ABTB2: variants seen among roughly 807,000 people sequenced by gnomAD.
ABTB2 encodes ankyrin repeat and BTB/POZ domain-containing protein 2.
ABTB2 carries 56 observed loss-of-function variants against 104.1 expected under a neutral mutation model. The observed-to-expected ratio is 0.54, with a 90% CI of 0.43 to 0.67. The LOEUF is 0.67. ABTB2 is among the 30% of genes least tolerant of loss of function. The probability of loss-of-function intolerance (pLI) is 0.00; values close to 1 mark genes in which losing one functional copy is unlikely to be tolerated. For missense variants in ABTB2, 1,279 were observed against 1,407.7 expected, an observed-to-expected ratio of 0.91 and a Z score of 1.46; for synonymous variants, 606 against 608.2, an observed-to-expected ratio of 1.00 and a Z score of 0.05.
At chr11:34,253,891 T>C (rs1453058245) in intron 1 of ABTB2, among the ~76,000 whole-genome samples, 1 of 152,130 alleles carries the variant, frequency 6.6e-6, no homozygotes, top group Admixed American at 6.5e-5. Flanking sequence ...TGTTTGGCCC[T>C]TGAGCTTAAA....
chr11:34,209,532 C>G (rs1453913017), intron 1 of ABTB2, among the ~76,000 whole-genome samples: 1 of 96,312 alleles, frequency 1.0e-5, no homozygotes, highest in East Asian at 2.8e-4. Context: ...TCACTCTGCT[C>G]TGCTCTAGCC....
intron 1 of ABTB2, among the ~76,000 whole-genome samples, chr11:34,288,833 C>T (rs780442125): frequency 2.0e-5 from 3 of 152,126 alleles, no homozygotes; most frequent in Non-Finnish European, 2.9e-5. Context: ...GGCCCTGACA[C>T]GAAGCATAGC....
intron 3 of ABTB2, among the ~76,000 whole-genome samples, chr11:34,193,230 A>G (rs1853203998): frequency 6.6e-6 from 1 of 152,256 alleles, no homozygotes; most frequent in Non-Finnish European, 1.5e-5. Context: ...CACACCCTGC[A>G]GGGCAGCAGC....
intron 3 of ABTB2, among the ~76,000 whole-genome samples, chr11:34,174,272 C>T (rs1852930248): frequency 7.0e-6 from 1 of 143,574 alleles, no homozygotes; most frequent in African/African-American, 2.7e-5. Context: ...TTGCAGTGAG[C>T]TGAGATCGCG....
At chr11:34,156,100 C>T (rs566210598) in intron 14 of ABTB2, among the ~76,000 whole-genome samples, 2 of 152,264 alleles carry the variant, frequency 1.3e-5, no homozygotes, top group Non-Finnish European at 2.9e-5. Context: ...CCTTAGGCTG[C>T]AGCTCCCTTC....
intron 1 of ABTB2, among the ~76,000 whole-genome samples, chr11:34,280,471 G>A (rs1854437060): frequency 6.6e-6 from 1 of 152,092 alleles, no homozygotes. Context: ...TCTGACAACT[G>A]CCCTGGAGCC....
intron 1 of ABTB2, among the ~76,000 whole-genome samples, chr11:34,228,391 G>A (rs1275587846): frequency 2.0e-5 from 3 of 147,006 alleles, no homozygotes; most frequent in African/African-American, 5.1e-5. Flanking sequence ...TTTGAGATAA[G>A]GTCTCACTTT....
chr11:34,285,008 AAAGAG>A (rs944089385), intron 1 of ABTB2, among the ~76,000 whole-genome samples: 2 of 152,252 alleles, frequency 1.3e-5, no homozygotes, highest in Admixed American at 1.3e-4. Context: ...TCAGTCAGCA[AAAGAG>A]GCAGGTGCTG....
At position 34,271,178 on chromosome 11, in the gene ABTB2, A is replaced by G. The variant is rs189317450; in HGVS notation, c.884-66488T>C. ...ATTCAAGACAGGTCCAGCCCAGGGC[A>G]GAAATAGAAAATAAGTCCTTGCCAT... is the stretch of plus-strand genomic sequence containing the variant. On this transcript the variant is annotated intron_variant, in intron 1 of 16. Coordinates refer to ENST00000435224, the MANE Select transcript of ABTB2 (RefSeq NM_145804.3). Among the ~76,000 whole-genome samples, 43 of 152,340 alleles carry G rather than the reference A, an allele frequency of 2.8e-4. 1 individual carries two copies. The highest frequency in any genetic ancestry group is 1.5e-5 in the Non-Finnish European group (1 of 68,026).
At chr11:34,262,932 C>T (rs1420748598) in intron 1 of ABTB2, among the ~76,000 whole-genome samples, 1 of 152,142 alleles carries the variant, frequency 6.6e-6, no homozygotes, top group Non-Finnish European at 1.5e-5. Context: ...CCCGGCAAAA[C>T]ATGTCATCAT....
At chr11:34,170,642 A>C (rs1013596879) in intron 5 of ABTB2, among the ~76,000 whole-genome samples, 2 of 152,206 alleles carry the variant, frequency 1.3e-5, no homozygotes, top group African/African-American at 4.8e-5. Context: ...ACTCGTTCCT[A>C]GCCTTGCACC....
At chr11:34,221,174 T>C (rs1231868067) in intron 1 of ABTB2, among the ~76,000 whole-genome samples, 1 of 152,198 alleles carries the variant, frequency 6.6e-6, no homozygotes, top group Non-Finnish European at 1.5e-5. Context: ...GGTTTCACTA[T>C]GTGGGCCAGG....
chr11:34,306,982 T>TAA (rs61161318), intron 1 of ABTB2, among the ~76,000 whole-genome samples: 18,719 of 94,016 alleles, frequency 0.2, 2,413 homozygotes, highest in African/African-American at 0.42. Flanking sequence ...TCAGGAAACT[T>TAA]AAAAAAAAAA....
In ABTB2 at chr11:34,303,934, C is replaced by T. The variant is rs1040748555; in HGVS notation, c.883+52767G>A. Among the ~76,000 whole-genome samples, 11 of 152,280 alleles carry T rather than the reference C, an allele frequency of 7.2e-5. No individual in the cohort carries two copies. In the East Asian group the frequency reaches 7.7e-4, roughly 11 times the overall value. ...CTGGGATTACAGGTGTAAGCCACCACGCCTGGCCTCAGCTATGGGTACTTT... is the reference window on the plus strand; with the variant it reads ...CTGGGATTACAGGTGTAAGCCACCATGCCTGGCCTCAGCTATGGGTACTTT... On this transcript the variant is annotated intron_variant, in intron 1 of 16. Coordinates refer to ENST00000435224, the MANE Select transcript of ABTB2 (RefSeq NM_145804.3).
At chr11:34,212,208 C>G (rs906289299) in intron 1 of ABTB2, among the ~76,000 whole-genome samples, 2 of 152,066 alleles carry the variant, frequency 1.3e-5, no homozygotes, top group Non-Finnish European at 2.9e-5. Flanking sequence ...AGGCACCCAC[C>G]ACCATGCTCG....
intron 1 of ABTB2, among the ~76,000 whole-genome samples, chr11:34,323,349 A>G (rs1189514621): frequency 6.6e-6 from 1 of 152,216 alleles, no homozygotes; most frequent in Non-Finnish European, 1.5e-5. Flanking sequence ...AGTTCAATCT[A>G]TGTGATGGAT....
chr11:34,246,981 G>A (rs1170977464), intron 1 of ABTB2, among the ~76,000 whole-genome samples: 1 of 151,764 alleles, frequency 6.6e-6, no homozygotes, highest in African/African-American at 2.4e-5. Context: ...CCAAGTAGCT[G>A]GGATTACAGG....
chr11:34,335,031 T>C, intron 1 of ABTB2: 1 of 612,516 alleles, frequency 1.6e-6, no homozygotes, highest in Non-Finnish European at 2.9e-6. Flanking sequence ...ATAAGTATAT[T>C]TTAAAAACTT....
chr11:34,156,365 T>G (rs1852626854), intron 14 of ABTB2, among the ~76,000 whole-genome samples: 1 of 152,078 alleles, frequency 6.6e-6, no homozygotes, highest in Admixed American at 6.6e-5. Context: ...AGGCAGCCTG[T>G]GGGGCTAGAG....
Sources: gnomAD v4.1 joint callset for allele counts (sites outside exome capture counted in the v4.1 genomes callset) on GRCh38, gnomAD v4.1.1 for gene constraint, MANE v1.5 for transcripts, NCBI Gene and HGNC (gene_info 2026-07-23, HGNC 2026-07-21) for gene names.